The following CDKL5 variants were observed in gnomAD, a reference collection of about 807,000 sequenced individuals.
CDKL5 encodes cyclin dependent kinase like 5, also known as cyclin-dependent kinase-like 5.
CDKL5 carries 8 observed loss-of-function variants against 61.7 expected under a neutral mutation model. The observed-to-expected ratio is 0.13, with a 90% confidence interval of 0.08 to 0.23. The LOEUF (loss-of-function observed/expected upper bound fraction) is 0.23. CDKL5 is among the 10% of genes least tolerant of loss of function. The pLI, the probability that CDKL5 is intolerant of heterozygous loss-of-function variation, is 1.00. For synonymous variants in CDKL5, 275 were observed against 272.3 expected (o/e 1.01, Z -0.10); for missense variants, 440 against 734.5 (o/e 0.60, Z 4.63).
intron 1 of CDKL5, among the ~76,000 whole-genome samples, chrX:18,450,368 T>G (rs140556614): frequency 0.015 from 1,660 of 111,891 alleles, 20 homozygotes; most frequent in Middle Eastern, 0.046. Flanking sequence ...ATAGGCAGCA[T>G]TAAATACTAG....
chrX:18,553,927 A>G (rs1022984855), intron 3 of CDKL5, among the ~76,000 whole-genome samples: 1 of 111,198 alleles, frequency 9.0e-6, no homozygotes, highest in African/African-American at 3.3e-5. Flanking sequence ...AAATTATAAG[A>G]GTTTTCTTAA....
intron 1 of CDKL5, among the ~76,000 whole-genome samples, chrX:18,476,779 T>A (rs1169388665): frequency 8.9e-6 from 1 of 112,415 alleles, no homozygotes; most frequent in Non-Finnish European, 1.9e-5. Flanking sequence ...TGAATCTTTT[T>A]TTTTTTGAGA....
At chrX:18,478,364 C>T (rs1250154442) in intron 1 of CDKL5, among the ~76,000 whole-genome samples, 5 of 102,160 alleles carry the variant, frequency 4.9e-5, no homozygotes, top group Non-Finnish European at 5.9e-5. Context: ...TATGTCAGCT[C>T]ACTGCAGCCT....
intron 1 of CDKL5, among the ~76,000 whole-genome samples, chrX:18,445,997 G>A (rs2147629650): frequency 9.1e-6 from 1 of 109,439 alleles, no homozygotes; most frequent in Admixed American, 9.9e-5. Context: ...ACGTTTTTCT[G>A]TCTTTGCAGC....
chrX:18,598,316 C>CT (rs200255102), intron 10 of CDKL5, 146 bp from the exon 11 acceptor site: 3,001 of 354,192 alleles, frequency 8.5e-3, no homozygotes, highest in Non-Finnish European at 9.5e-3. Context: ...TTTAGATAGT[C>CT]TTTTTTTTTT....
At chrX:18,464,857 A>T (rs766883836) in intron 1 of CDKL5, among the ~76,000 whole-genome samples, 26 of 112,001 alleles carry the variant, frequency 2.3e-4, no homozygotes, top group Non-Finnish European at 2.1e-4. Flanking sequence ...TGTGTTGGCC[A>T]TTTAAAAAAT....
intron 3 of CDKL5, among the ~76,000 whole-genome samples, chrX:18,512,438 T>C (rs1569199288): frequency 9.0e-6 from 1 of 111,676 alleles, no homozygotes; most frequent in African/African-American, 3.2e-5. Flanking sequence ...TTTCCTATTG[T>C]ACAAAATACT....
At chrX:18,600,583 C>T (rs1394784569) in intron 11 of CDKL5, among the ~76,000 whole-genome samples, 1 of 112,084 alleles carries the variant, frequency 8.9e-6, no homozygotes, top group Non-Finnish European at 1.9e-5. Context: ...ATAACCCATA[C>T]TGTGAAAAGA....
Position 18,634,799 on chromosome X carries a change from A to G in CDKL5, c.*6042A>G. On this transcript the variant is annotated 3_prime_UTR_variant, in exon 18 of 18. Transcript: ENST00000623535. Reference sequence around the variant, plus strand: ...CTATCTCCAAGAATTGCTTTGTGCCATTTTGAATTCAGGTAGTTATTCTGT... The same window carrying G: ...CTATCTCCAAGAATTGCTTTGTGCCGTTTTGAATTCAGGTAGTTATTCTGT... The G allele has an allele frequency of 2.7e-6, 2 of 753,429 alleles. No individual in the cohort carries two copies. Among genetic ancestry groups the G allele is most frequent in the Non-Finnish European group, 3.1e-6 (2 of 638,869 alleles). The allele number at this position is 753,429 out of a possible 1,213,427, so 62.1% of individuals were successfully genotyped here.
At chrX:18,558,822 CAG>C (rs1924691442) in intron 3 of CDKL5, among the ~76,000 whole-genome samples, 2 of 112,317 alleles carry the variant, frequency 1.8e-5, no homozygotes, top group Non-Finnish European at 1.9e-5. Flanking sequence ...CAGATCTTTG[CAG>C]AGACTAAAAT....
intron 1 of CDKL5, among the ~76,000 whole-genome samples, chrX:18,501,580 G>T (rs755043419): frequency 9.1e-6 from 1 of 109,623 alleles, no homozygotes; most frequent in East Asian, 2.9e-4. Context: ...AGACAGTCTC[G>T]CTCTGTCGCC....
chrX:18,565,120 A>G lies in CDKL5; in HGVS notation c.145+598A>G, dbSNP rs747953574. On this transcript the variant is annotated intron_variant, in intron 4 of 17. Transcript: ENST00000623535. ...AAAATTACCCCATGCTGGGCAAGAA[A>G]GTTTAAAATAATGCATTTCAGTAGT... Among the ~76,000 whole-genome samples, 3 of 112,357 alleles carry G rather than the reference A, an allele frequency of 2.7e-5. No homozygotes were observed. In the East Asian group the frequency reaches 8.3e-4, roughly 31 times the overall value.
At chrX:18,592,975 G>C (rs747190245) in intron 9 of CDKL5, among the ~76,000 whole-genome samples, 1 of 112,217 alleles carries the variant, frequency 8.9e-6, no homozygotes, top group African/African-American at 3.2e-5. Context: ...GCCTGGTTCC[G>C]TATTTACTAT....
At chrX:18,458,846 A>G (rs1932210584) in intron 1 of CDKL5, among the ~76,000 whole-genome samples, 2 of 112,774 alleles carry the variant, frequency 1.8e-5, no homozygotes, top group Admixed American at 9.4e-5. Flanking sequence ...GAACATTCCC[A>G]TCATTGCAGA....
chrX:18,558,497 A>G (rs770315708), intron 3 of CDKL5, among the ~76,000 whole-genome samples: 1 of 111,985 alleles, frequency 8.9e-6, no homozygotes, highest in South Asian at 3.7e-4. Flanking sequence ...TCCATTAAAT[A>G]CCCACGAAGA....
At chrX:18,431,749 C>G (rs1172391018) in intron 1 of CDKL5, among the ~76,000 whole-genome samples, 1 of 110,968 alleles carries the variant, frequency 9.0e-6, no homozygotes, top group Non-Finnish European at 1.9e-5. Context: ...ACTTTACATA[C>G]CATAAAACTC....
At chrX:18,454,856 A>G (rs1232541432) in intron 1 of CDKL5, among the ~76,000 whole-genome samples, 3 of 108,082 alleles carry the variant, frequency 2.8e-5, no homozygotes, top group Non-Finnish European at 5.7e-5. Flanking sequence ...AAATGATATA[A>G]TATCATTGCA....
downstream of CDKL5, chrX:18,644,716 T>C: frequency 1.1e-6 from 1 of 943,680 alleles, no homozygotes; most frequent in Non-Finnish European, 1.5e-6. Flanking sequence ...GATGCCAGCA[T>C]CCAAAGAGCC....
chrX:18,613,380 T>C, intron 15 of CDKL5, 105 bp downstream of exon 15: 2 of 683,386 alleles, frequency 2.9e-6, no homozygotes, highest in Non-Finnish European at 4.3e-6. Context: ...CTGCTAGGCC[T>C]TTTTTTCTCT....
Sources: allele counts gnomAD v4.1 joint callset (sites outside exome capture counted in the v4.1 genomes callset), GRCh38; gene constraint gnomAD v4.1.1; transcripts MANE v1.5; gene names NCBI Gene and HGNC (gene_info 2026-07-23, HGNC 2026-07-21).